EFTUD2: variants seen among roughly 807,000 people sequenced by gnomAD.
EFTUD2 encodes 116 kDa U5 small nuclear ribonucleoprotein component.
A neutral mutation model predicts 114.3 loss-of-function variants in EFTUD2; 9 were observed. That is an observed-to-expected ratio of 0.08 (90% CI 0.05 to 0.14). The LOEUF (loss-of-function observed/expected upper bound fraction) is 0.14. Among genes scored for constraint, EFTUD2 ranks in the 10% least tolerant of loss-of-function variants. EFTUD2 has a pLI of 1.00. For synonymous variants in EFTUD2, 449 were observed against 462.3 expected, an observed-to-expected ratio of 0.97 and a Z score of 0.37; for missense variants, 765 against 1,241.2, an observed-to-expected ratio of 0.62 and a Z score of 5.76.
At chr17:44,889,119 G>A (rs147736160) in intron 2 of EFTUD2, among the ~76,000 whole-genome samples, 362 of 152,272 alleles carry the variant, frequency 2.4e-3, no homozygotes, top group Non-Finnish European at 2.4e-3. Context: ...AAAGCCAAAG[G>A]AAGAGAGTAT....
chr17:44,853,680 TG>T, intron 23 of EFTUD2, 45 bp from the exon 24 acceptor site: 1 of 1,606,986 alleles, frequency 6.2e-7, no homozygotes, highest in Non-Finnish European at 8.5e-7. Flanking sequence ...GTTCTGGGCC[TG>T]TCATGGGGCC....
chr17:44,899,150 C>T (rs1454027363), intron 1 of EFTUD2: 3 of 152,166 alleles, frequency 2.0e-5, no homozygotes, highest in Admixed American at 1.3e-4. Flanking sequence ...GAGGCAGCCC[C>T]GAAATCGAGG....
rs2050418241 is a variant in EFTUD2, at chr17:44,850,267, C to T, written c.*1007G>A. ...AGCTAGAGGTGAACCCCTAGGACGC[C>T]TGAGAGCCAGAGGACGGGTGAAGGG... On this transcript the variant is annotated 3_prime_UTR_variant, in exon 28 of 28. Transcript: ENST00000426333. 5 of 1,376,376 alleles carry T rather than the reference C, an allele frequency of 3.6e-6. No individual in the cohort carries two copies. In the Admixed American group the frequency reaches 9.7e-5, roughly 27 times the overall value. The allele number at this position is 1,376,376 out of a possible 1,614,324, so 85.3% of individuals were successfully genotyped here. A position where few individuals can be genotyped will look rare whatever the true frequency, so the allele number is the denominator to read the frequency against.
At position 44,876,078 on chromosome 17, in the gene EFTUD2, A is replaced by T. The variant is rs758429976; in HGVS notation, c.725T>A (p.Leu242Gln). 3.7e-6 allele frequency: 6 copies of T among 1,613,930 alleles called. No homozygotes were observed. In the South Asian group the frequency reaches 6.6e-5, roughly 18 times the overall value. Residue 242 changes from leucine (L) to glutamine (Q), a missense_variant, in exon 10 of 28, where the codon CTG (leucine) becomes CAG (glutamine). By Grantham distance (113) the Leu-to-Gln change is moderately radical. Around this residue, in one of 6 missense-constraint regions of EFTUD2, gnomAD observed 251 missense variants for 357.7 expected, o/e 0.70. Coordinates refer to ENST00000426333, the MANE Select transcript of EFTUD2 (RefSeq NM_004247.4). ...CCTCTCCTGCACCGCATGCTTGATCAGCCGCTCTGTGTTCAGCATCACCTG... is the reference window on the plus strand; with the variant it reads ...CCTCTCCTGCACCGCATGCTTGATCTGCCGCTCTGTGTTCAGCATCACCTG... ...AEGVMLNTER[L>Q]IKHAVQERLA...
At chr17:44,870,456 G>T (rs1335846561) in intron 11 of EFTUD2, among the ~76,000 whole-genome samples, 1 of 152,072 alleles carries the variant, frequency 6.6e-6, no homozygotes, top group Middle Eastern at 3.2e-3. Flanking sequence ...CCAATGCTGT[G>T]TGAAAAACAC....
At chr17:44,882,319 T>A (rs1010171423) in intron 6 of EFTUD2, among the ~76,000 whole-genome samples, 1 of 151,924 alleles carries the variant, frequency 6.6e-6, no homozygotes, top group South Asian at 2.1e-4. Context: ...TGGCATAATC[T>A]TGGCTCACTG....
chr17:44,854,033 C>G lies in EFTUD2; in HGVS notation c.2347+236G>C. The G allele has an allele frequency of 1.5e-6, 2 of 1,375,134 alleles. No individual in the cohort carries two copies. Among genetic ancestry groups the G allele is most frequent in the East Asian group, 2.7e-5 (1 of 37,012 alleles). The allele number at this position is 1,375,134 out of a possible 1,614,324, so 85.2% of individuals were successfully genotyped here. A position where few individuals can be genotyped will look rare whatever the true frequency, so the allele number is the denominator to read the frequency against. ...TTCTCAAATACGTCCAACGCCAAACCCTTCTCAGAAATGAGGAGCAAATGA... is the reference window on the plus strand; with the variant it reads ...TTCTCAAATACGTCCAACGCCAAACGCTTCTCAGAAATGAGGAGCAAATGA... On this transcript the variant is annotated intron_variant, in intron 23 of 27. Coordinates refer to ENST00000426333, the MANE Select transcript of EFTUD2 (RefSeq NM_004247.4). The surrounding 1 kb of genome is among the most constrained non-coding windows in gnomAD (Gnocchi z 4.3).
chr17:44,887,669 G>T (rs1201672006), intron 2 of EFTUD2, among the ~76,000 whole-genome samples: 3 of 152,156 alleles, frequency 2.0e-5, no homozygotes, highest in Admixed American at 1.3e-4. Flanking sequence ...CCCAGGGCTG[G>T]CAGGGTAGGT....
chr17:44,850,152 G>T lies in EFTUD2; in HGVS notation c.*1122C>A. 1.8e-6 allele frequency: 1 copy of T among 561,896 alleles called. No homozygotes were observed. The highest frequency in any genetic ancestry group is 2.8e-5 in the East Asian group (1 of 35,574). 34.8% of individuals were successfully genotyped at this position (561,896 alleles called of 1,614,324 possible). A position where few individuals can be genotyped will look rare whatever the true frequency, so the allele number is the denominator to read the frequency against. ...GTGTTTCGTGAACTGTCAGATAAGTGGTTTCCCCAGGTTGTGTGGTCAGAT... is the reference window on the plus strand; with the variant it reads ...GTGTTTCGTGAACTGTCAGATAAGTTGTTTCCCCAGGTTGTGTGGTCAGAT... On this transcript the variant is annotated 3_prime_UTR_variant, in exon 28 of 28. Coordinates refer to ENST00000426333, the MANE Select transcript of EFTUD2 (RefSeq NM_004247.4).
At chr17:44,864,848 C>T (rs186560340) in intron 14 of EFTUD2, 82 bp downstream of exon 14, 21 of 1,557,400 alleles carry the variant, frequency 1.3e-5, no homozygotes, top group Admixed American at 5.5e-5. Flanking sequence ...TGACCTCCAT[C>T]GCTGGGTGAG....
chr17:44,850,283 G>T lies in EFTUD2; in HGVS notation c.*991C>A. 1 of 1,495,002 alleles carries T rather than the reference G, an allele frequency of 6.7e-7. No individual in the cohort carries two copies. The highest frequency in any genetic ancestry group is 1.2e-5 in the South Asian group (1 of 84,918). The allele number at this position is 1,495,002 out of a possible 1,614,324, so 92.6% of individuals were successfully genotyped here. A position where few individuals can be genotyped will look rare whatever the true frequency, so the allele number is the denominator to read the frequency against. On this transcript the variant is annotated 3_prime_UTR_variant, in exon 28 of 28. Transcript: ENST00000426333. ...CTAGGACGCCTGAGAGCCAGAGGAC[G>T]GGTGAAGGGTTTGATGCCAAGGGGC... is the stretch of plus-strand genomic sequence containing the variant.
rs553536941 is a variant in EFTUD2 at position 44,891,627 on chromosome 17, G to C, written c.105+2790C>G. ...GACCTTCCAAAGTGCTGGGGTTATA[G>C]GTGTGAGCCACTAAGTGTTTAGCCC... On this transcript the variant is annotated intron_variant, in intron 2 of 27. Coordinates refer to ENST00000426333, the MANE Select transcript of EFTUD2 (RefSeq NM_004247.4). 2.0e-5 allele frequency among the ~76,000 whole-genome samples: 3 copies of C among 152,000 alleles called. No homozygotes were observed. The South Asian group carries it at 6.3e-4, about 32-fold the overall frequency.
At chr17:44,867,781 T>G (rs1597802529) in intron 13 of EFTUD2, 26 bp downstream of exon 13, 2 of 1,529,076 alleles carry the variant, frequency 1.3e-6, no homozygotes, top group East Asian at 4.6e-5. Flanking sequence ...AGAGCAGATC[T>G]GCCCAGTGTG....
intron 7 of EFTUD2, 55 bp from the exon 8 acceptor site, chr17:44,880,699 T>C (rs1200649650): frequency 7.5e-6 from 11 of 1,458,358 alleles, no homozygotes; most frequent in Non-Finnish European, 9.6e-6. Context: ...GGGTTCATTT[T>C]GTTTTTGGGG....
At position 44,859,108 on chromosome 17, in the gene EFTUD2, C is replaced by T. The variant is rs2050609638; in HGVS notation, c.1934G>A (p.Arg645Gln). Reference sequence around the variant, plus strand: ...GATGTCTATCTCTGAGTACATCTTCCGCAAATCATGCATCACACAGTCCAG... The same window carrying T: ...GATGTCTATCTCTGAGTACATCTTCTGCAAATCATGCATCACACAGTCCAG... ...LYLDCVMHDL[R>Q]KMYSEIDIKV... The change falls in exon 19 of 28, where the codon CGG becomes CAG. Residue 645 changes from arginine (R) to glutamine (Q), a missense_variant. This residue lies in a region of EFTUD2 where 149 missense variants were observed against 245.1 expected (regional missense o/e 0.61). Coordinates refer to ENST00000426333, the MANE Select transcript of EFTUD2 (RefSeq NM_004247.4). 4 of 1,613,780 alleles carry T rather than the reference C, an allele frequency of 2.5e-6. No homozygotes were observed. Among genetic ancestry groups the T allele is most frequent in the Non-Finnish European group, 3.4e-6 (4 of 1,179,712 alleles).
intron 20 of EFTUD2, among the ~76,000 whole-genome samples, chr17:44,855,338 G>A (rs912125075): frequency 5.3e-5 from 8 of 152,088 alleles, no homozygotes; most frequent in African/African-American, 1.7e-4. Context: ...CGAGGTGGGC[G>A]GATCACAAGG....
chr17:44,898,006 A>C (rs1003841868), intron 1 of EFTUD2, among the ~76,000 whole-genome samples: 1 of 152,194 alleles, frequency 6.6e-6, no homozygotes, highest in Non-Finnish European at 1.5e-5. Context: ...TATTTCTTGG[A>C]TTAGACTGAT....
intron 8 of EFTUD2, 76 bp downstream of exon 8, chr17:44,880,478 T>G (rs2051053171): frequency 8.8e-7 from 1 of 1,136,904 alleles, no homozygotes; most frequent in Admixed American, 1.8e-5. Flanking sequence ...ACTGCTCCGT[T>G]CTGCTCCGAA....
chr17:44,858,220 C>A (rs1474508574), intron 19 of EFTUD2, among the ~76,000 whole-genome samples: 1 of 151,944 alleles, frequency 6.6e-6, no homozygotes, highest in Admixed American at 6.6e-5. Flanking sequence ...CCGTGCTCGG[C>A]CTGTTTTATT....
Sources: allele counts gnomAD v4.1 joint callset (sites outside exome capture counted in the v4.1 genomes callset), GRCh38; gene constraint gnomAD v4.1.1; regional missense constraint gnomAD v4.1.1; non-coding constraint Gnocchi (gnomAD v3.1); transcripts MANE v1.5; gene names NCBI Gene and HGNC (gene_info 2026-07-23, HGNC 2026-07-21).